Variants in SPAG1 observed in about 807,000 individuals in gnomAD.
SPAG1 encodes sperm associated antigen 1.
Under a neutral mutation model 100.5 loss-of-function variants are expected in SPAG1, and 69 were observed. That is an observed-to-expected ratio of 0.69 (90% CI 0.57 to 0.84). SPAG1 has a LOEUF of 0.84. Ranked by LOEUF, SPAG1 falls within the 40% of genes least tolerant of loss-of-function variation. The pLI is 0.00. For missense variants in SPAG1, 955 were observed against 1,133.1 expected (o/e 0.84, Z 2.26); for synonymous variants, 336 against 411.6 (o/e 0.82, Z 2.22).
intron 12 of SPAG1, among the ~76,000 whole-genome samples, chr8:100,219,135 A>G (rs1818145556): frequency 6.6e-6 from 1 of 152,238 alleles, no homozygotes; most frequent in Non-Finnish European, 1.5e-5. Context: ...GGGGAAGTCT[A>G]CAGTGACTAG....
intron 7 of SPAG1, among the ~76,000 whole-genome samples, chr8:100,185,839 A>G (rs1816561484): frequency 6.6e-6 from 1 of 152,094 alleles, no homozygotes. Context: ...TATATGATGG[A>G]TCATTCATTC....
At chr8:100,166,455 C>T (rs1563768727) in intron 3 of SPAG1, among the ~76,000 whole-genome samples, 1 of 151,734 alleles carries the variant, frequency 6.6e-6, no homozygotes, top group East Asian at 1.9e-4. Context: ...GATGGGGTTT[C>T]ACCATATTGG....
At chr8:100,170,028 T>C (rs1243689831) in intron 3 of SPAG1, among the ~76,000 whole-genome samples, 1 of 152,074 alleles carries the variant, frequency 6.6e-6, no homozygotes, top group Admixed American at 6.5e-5. Context: ...TCCACCTTTG[T>C]TCTTTTTAAA....
chr8:100,197,074 T>C (rs1817063784), intron 10 of SPAG1, among the ~76,000 whole-genome samples: 1 of 152,010 alleles, frequency 6.6e-6, no homozygotes, highest in Non-Finnish European at 1.5e-5. Flanking sequence ...TCTAAGATAG[T>C]TTCTCAAGAC....
At chr8:100,181,003 T>C (rs1226177579) in intron 4 of SPAG1, among the ~76,000 whole-genome samples, 2 of 152,200 alleles carry the variant, frequency 1.3e-5, no homozygotes, top group Non-Finnish European at 2.9e-5. Context: ...ACTGAAAAGT[T>C]TGAGCCCCAC....
At chr8:100,240,379 T>C (rs1163252502) in intron 17 of SPAG1, 24 bp from the exon 18 acceptor site, 1 of 1,559,834 alleles carries the variant, frequency 6.4e-7, no homozygotes, top group East Asian at 2.2e-5. Context: ...AGTGTCACAA[T>C]GCATTTTTCT....
At chr8:100,211,047 C>T (rs761798159) in intron 10 of SPAG1, among the ~76,000 whole-genome samples, 1 of 151,894 alleles carries the variant, frequency 6.6e-6, no homozygotes, top group African/African-American at 2.4e-5. Flanking sequence ...AGGGTGGTCT[C>T]GAACTCCTGA....
chr8:100,228,064 G>A (rs747030364), intron 14 of SPAG1, among the ~76,000 whole-genome samples: 2 of 151,846 alleles, frequency 1.3e-5, no homozygotes, highest in South Asian at 2.1e-4. Flanking sequence ...GGCTGGTCTC[G>A]AATTCCTGGG....
At chr8:100,187,717 T>G (rs1353830937) in intron 8 of SPAG1, among the ~76,000 whole-genome samples, 1 of 151,950 alleles carries the variant, frequency 6.6e-6, no homozygotes. Context: ...CCAAAAAAAA[T>G]TAAGTATAAC....
intron 3 of SPAG1, among the ~76,000 whole-genome samples, chr8:100,169,564 C>G (rs992833295): frequency 6.6e-6 from 1 of 152,176 alleles, no homozygotes; most frequent in Non-Finnish European, 1.5e-5. Context: ...CGTGGCAAAA[C>G]CCCATCTCTA....
Position 100,241,862 on chromosome 8 carries a change from C to T in SPAG1, c.*840C>T, listed in dbSNP as rs1314305930. The T allele has an allele frequency of 6.6e-6, 1 of 152,152 alleles. No individual in the cohort carries two copies. Among genetic ancestry groups the T allele is most frequent in the African/African-American group, 2.4e-5 (1 of 41,432 alleles). The allele number at this position is 152,152 out of a possible 1,614,324, so 9.4% of individuals were successfully genotyped here. ...ATGAAGAACTCATACATGTTGAAAG[C>T]TCCTTTGTTGACTGGGTCAAAGTGA... On this transcript the variant is annotated 3_prime_UTR_variant, in exon 19 of 19. Transcript: ENST00000388798. The surrounding 1 kb of genome is among the most constrained non-coding windows in gnomAD (Gnocchi z 5.1).
At chr8:100,175,096 C>T (rs544866599) in intron 3 of SPAG1, among the ~76,000 whole-genome samples, 225 of 151,992 alleles carry the variant, frequency 1.5e-3, no homozygotes, top group African/African-American at 5.2e-3. Flanking sequence ...AGCGATCCTC[C>T]TGCCTCAGCC....
chr8:100,161,115 G>A (rs1213254038), intron 1 of SPAG1, among the ~76,000 whole-genome samples: 2 of 152,146 alleles, frequency 1.3e-5, no homozygotes, highest in Non-Finnish European at 2.9e-5. Flanking sequence ...CAAAGTGGGA[G>A]GATCACTTGA....
At position 100,239,386 on chromosome 8, in the gene SPAG1, G is replaced by A; in HGVS notation, c.2262G>A (p.Arg754=). ...TAPFNKEKER[R]KIEIQEVNEG... ...CATTCAACAAAGAAAAGGAGAGAAG[G>A]AAAATTGAGATTCAAGAGGTATTTG... The change falls in exon 17 of 19, where the codon AGG becomes AGA. Residue 754 remains arginine, a synonymous_variant. Coordinates refer to ENST00000388798, the MANE Select transcript of SPAG1 (RefSeq NM_003114.5). This position sits in a 1 kb window ranked among gnomAD's most constrained non-coding sequence, Gnocchi z 5.0. The A allele has an allele frequency of 6.2e-7, 1 of 1,602,484 alleles. No homozygotes were observed. The highest frequency in any genetic ancestry group is 8.5e-7 in the Non-Finnish European group (1 of 1,169,682).
intron 15 of SPAG1, among the ~76,000 whole-genome samples, chr8:100,231,961 C>CAAAA (rs528009916): frequency 2.2e-5 from 3 of 137,610 alleles, no homozygotes; most frequent in Non-Finnish European, 4.8e-5. Context: ...GACTCTGTCT[C>CAAAA]AAAAAAAAAA....
chr8:100,175,949 C>T (rs1277737836), intron 3 of SPAG1, among the ~76,000 whole-genome samples: 2 of 152,116 alleles, frequency 1.3e-5, no homozygotes, highest in Non-Finnish European at 2.9e-5. Context: ...GATCATAAAC[C>T]CAACTGAGTT....
chr8:100,217,714 T>C (rs1400675707), intron 12 of SPAG1, among the ~76,000 whole-genome samples: 1 of 152,242 alleles, frequency 6.6e-6, no homozygotes, highest in Non-Finnish European at 1.5e-5. Context: ...TGACTTTCCA[T>C]TGAGGACATT....
At chr8:100,184,564 A>G (rs188157911) in intron 6 of SPAG1, 64 bp from the exon 7 acceptor site, 21 of 818,818 alleles carry the variant, frequency 2.6e-5, no homozygotes, top group Non-Finnish European at 3.3e-5. Context: ...GCATTCTTAG[A>G]TTTAAACTTG....
At chr8:100,238,390 C>T (rs1162492322) in intron 16 of SPAG1, among the ~76,000 whole-genome samples, 1 of 152,200 alleles carries the variant, frequency 6.6e-6, no homozygotes, top group African/African-American at 2.4e-5. Flanking sequence ...TAATCACTAG[C>T]TCAGCTTATC....
Sources: allele counts gnomAD v4.1 joint callset (sites outside exome capture counted in the v4.1 genomes callset), GRCh38; gene constraint gnomAD v4.1.1; non-coding constraint Gnocchi (gnomAD v3.1); transcripts MANE v1.5; gene names NCBI Gene and HGNC (gene_info 2026-07-23, HGNC 2026-07-21).